The following PHF14 variants were observed in gnomAD, a reference collection of about 807,000 sequenced individuals.
The protein encoded by PHF14 is PHD finger protein 14.
A neutral mutation model predicts 117.9 loss-of-function variants in PHF14; 55 were observed. The observed-to-expected ratio is 0.47, with a 90% confidence interval of 0.38 to 0.58. PHF14 has a LOEUF of 0.58. Ranked by LOEUF, PHF14 falls within the 20% of genes least tolerant of loss-of-function variation. The pLI, the probability that PHF14 is intolerant of heterozygous loss-of-function variation, is 0.00. For synonymous variants in PHF14, 409 were observed against 368.6 expected, an observed-to-expected ratio of 1.11 and a Z score of -1.26; for missense variants, 978 against 1,122.2, an observed-to-expected ratio of 0.87 and a Z score of 1.84.
chr7:11,125,248 G>A lies in PHF14; in HGVS notation c.2772+13781G>A, dbSNP rs150939385. ...TAGTTTTTAATGTTTGTCATGAGTT[G>A]TGAAGTTTGAAAACCAGTACTGTGA... On this transcript the variant is annotated intron_variant, in intron 17 of 17. Coordinates refer to ENST00000634607, the MANE Select transcript of PHF14 (RefSeq NM_001007157.2). Among the ~76,000 whole-genome samples, 407 of 152,178 alleles carry A rather than the reference G, an allele frequency of 2.7e-3. 2 individuals carry two copies. Among genetic ancestry groups the A allele is most frequent in the African/African-American group, 9.5e-3 (394 of 41,554 alleles).
rs1020162086 is a variant in PHF14, at chr7:11,062,802, C to A, written c.2654+717C>A. ...TGAGATGGGGGAGTGAGTGTGTGAA[C>A]AAAAAGAGAGCTAATTTAAAAGAGG... On this transcript the variant is annotated intron_variant, in intron 16 of 17. Transcript: ENST00000634607. 4 of 984,848 alleles carry A rather than the reference C, an allele frequency of 4.1e-6. No homozygotes were observed. The African/African-American group carries it at 7.0e-5, about 17-fold the overall frequency. The allele number at this position is 984,848 out of a possible 1,614,324, so 61.0% of individuals were successfully genotyped here.
chr7:11,022,709 C>T (rs1475215412), intron 5 of PHF14, among the ~76,000 whole-genome samples, 159 bp from the exon 6 acceptor site: 2 of 152,050 alleles, frequency 1.3e-5, no homozygotes, highest in African/African-American at 4.8e-5. Flanking sequence ...GTAGGTGTTT[C>T]ATATTTTTTA....
chr7:11,021,643 G>A (rs1357465840), intron 5 of PHF14, among the ~76,000 whole-genome samples: 1 of 152,074 alleles, frequency 6.6e-6, no homozygotes, highest in Non-Finnish European at 1.5e-5. Context: ...TACATCAGTG[G>A]AGCATGAAAA....
intron 16 of PHF14, chr7:11,106,817 T>C (rs1447180146): frequency 1.0e-6 from 1 of 984,596 alleles, no homozygotes; most frequent in Non-Finnish European, 1.2e-6. Flanking sequence ...CTCTGGATAT[T>C]TAGTTTTTTT....
chr7:10,979,148 T>C (rs1171191237), intron 2 of PHF14, among the ~76,000 whole-genome samples: 2 of 152,168 alleles, frequency 1.3e-5, no homozygotes, highest in Non-Finnish European at 2.9e-5. Flanking sequence ...GGGGAGAACA[T>C]TGGATATAAT....
chr7:11,165,165 C>T (rs900030326), intron 17 of PHF14, among the ~76,000 whole-genome samples: 2 of 152,102 alleles, frequency 1.3e-5, no homozygotes, highest in South Asian at 2.1e-4. Flanking sequence ...CCTTGTGATC[C>T]GCCTGCCTCG....
chr7:11,028,972 C>T (rs1053685047), intron 7 of PHF14, among the ~76,000 whole-genome samples, 154 bp downstream of exon 7: 1 of 152,032 alleles, frequency 6.6e-6, no homozygotes. Context: ...GAGTAAATGC[C>T]TATGAGTTTT....
chr7:11,077,319 C>G (rs1157644408), intron 16 of PHF14, among the ~76,000 whole-genome samples: 1 of 150,874 alleles, frequency 6.6e-6, no homozygotes, highest in Non-Finnish European at 1.5e-5. Context: ...AAGCCAGATT[C>G]AGCCGGGCGC....
At chr7:10,991,211 C>T (rs185073642) in intron 4 of PHF14, among the ~76,000 whole-genome samples, 153 of 152,116 alleles carry the variant, frequency 1.0e-3, no homozygotes, top group Middle Eastern at 3.4e-3. Context: ...GATGATGTCT[C>T]GCACTGTTGC....
rs149831388 is a variant in PHF14, at chr7:11,086,418, T to TA, written c.2654+24334dup. 1.8e-4 allele frequency among the ~76,000 whole-genome samples: 27 copies of TA among 152,304 alleles called. 1 individual carries two copies. The East Asian group carries it at 5.2e-3, about 29-fold the overall frequency. ...TGCTTTTATGCCATCTTGCTTTTAT[T>TA]ATACTTTATGTTATACCTTCTCTCT... On this transcript the variant is annotated intron_variant, in intron 16 of 17. Coordinates refer to ENST00000634607, the MANE Select transcript of PHF14 (RefSeq NM_001007157.2).
chr7:11,090,125 T>C (rs1786588936), intron 16 of PHF14, among the ~76,000 whole-genome samples: 1 of 152,240 alleles, frequency 6.6e-6, no homozygotes, highest in Non-Finnish European at 1.5e-5. Flanking sequence ...CTTAAGATTA[T>C]GCATGAAGCC....
At chr7:11,006,317 G>A (rs1376086345) in intron 4 of PHF14, 3 of 415,630 alleles carry the variant, frequency 7.2e-6, no homozygotes, top group Non-Finnish European at 1.4e-5. Context: ...TTACTTGCCT[G>A]TCATTTTCTT....
At chr7:11,100,643 T>C (rs1187981124) in intron 16 of PHF14, among the ~76,000 whole-genome samples, 1 of 152,004 alleles carries the variant, frequency 6.6e-6, no homozygotes, top group South Asian at 2.1e-4. Context: ...GTCAGTGTGC[T>C]AGTGCCTTCC....
intron 17 of PHF14, 46 bp downstream of exon 17, chr7:11,111,513 T>A (rs150264775): frequency 1.1e-6 from 1 of 919,492 alleles, no homozygotes; most frequent in African/African-American, 1.7e-5. Flanking sequence ...TCCTTCCGTT[T>A]GATAGCTTTC....
At chr7:11,042,842 TTTGAA>T (rs1784541694) in intron 13 of PHF14, 28 bp downstream of exon 13, 2 of 1,458,656 alleles carry the variant, frequency 1.4e-6, no homozygotes, top group Non-Finnish European at 1.9e-6. Context: ...GATTTAGATG[TTTGAA>T]TTGATTTACT....
chr7:11,036,821 ATATGT>A, intron 9 of PHF14, 133 bp downstream of exon 9: 1 of 995,248 alleles, frequency 1.0e-6, no homozygotes, highest in Middle Eastern at 3.0e-4. Flanking sequence ...TATTTTCCTA[ATATGT>A]TGTGGGTTTT....
chr7:11,162,494 A>G (rs1789075687), intron 17 of PHF14, among the ~76,000 whole-genome samples: 1 of 152,018 alleles, frequency 6.6e-6, no homozygotes, highest in South Asian at 2.1e-4. Flanking sequence ...TTAAGAGTCT[A>G]CCCTAACTCA....
chr7:11,107,516 C>G, intron 16 of PHF14: 7 of 880,660 alleles, frequency 7.9e-6, no homozygotes, highest in Non-Finnish European at 9.5e-6. Context: ...CCTTTATGCT[C>G]TATAGTGTTA....
At chr7:11,057,890 A>T (rs1229896483) in intron 14 of PHF14, among the ~76,000 whole-genome samples, 2 of 152,292 alleles carry the variant, frequency 1.3e-5, no homozygotes, top group East Asian at 1.9e-4. Flanking sequence ...AAAAAGAAAA[A>T]CAAAAAATTG....
Sources: gnomAD v4.1 joint callset for allele counts (sites outside exome capture counted in the v4.1 genomes callset) on GRCh38, gnomAD v4.1.1 for gene constraint, MANE v1.5 for transcripts, NCBI Gene and HGNC (gene_info 2026-07-23, HGNC 2026-07-21) for gene names.